The following ATP10B variants were observed in gnomAD, a reference collection of about 807,000 sequenced individuals.
ATP10B encodes the protein ATPase phospholipid transporting 10B (putative).
In ATP10B, 122 loss-of-function variants were observed where a neutral mutation model predicts 141.2. That is an observed-to-expected ratio of 0.86 (90% CI 0.75 to 1.00). The LOEUF is 1.00. Among genes scored for constraint, ATP10B ranks in the 50% least tolerant of loss-of-function variants. The pLI, the probability that ATP10B is intolerant of heterozygous loss-of-function variation, is 0.00. For missense variants in ATP10B, 1,876 were observed against 1,825.3 expected, an observed-to-expected ratio of 1.03 and a Z score of -0.51; for synonymous variants, 685 against 692.0, an observed-to-expected ratio of 0.99 and a Z score of 0.16.
At position 160,667,374 on chromosome 5, in the gene ATP10B, A is replaced by T. The variant is rs114488471; in HGVS notation, c.675+3089T>A. On this transcript the variant is annotated intron_variant, in intron 7 of 25. Transcript: ENST00000327245. Reference sequence around the variant, plus strand: ...GTTTCGTTTTGTATAAAATGGAGACAATAATAGTGCCCATCTCATTGGGTT... The same window carrying T: ...GTTTCGTTTTGTATAAAATGGAGACTATAATAGTGCCCATCTCATTGGGTT... 3.9e-3 allele frequency among the ~76,000 whole-genome samples: 595 copies of T among 152,308 alleles called. 4 individuals are homozygous for T. Among genetic ancestry groups the T allele is most frequent in the African/African-American group, 0.013 (557 of 41,554 alleles).
chr5:160,603,678 G>C (rs115400997), intron 20 of ATP10B: 4 of 413,364 alleles, frequency 9.7e-6, no homozygotes, highest in African/African-American at 2.0e-5. Context: ...TTACACTGGT[G>C]GTGGAAATAC....
At position 160,598,648 on chromosome 5, in the gene ATP10B, A is replaced by T. The variant is rs565067372; in HGVS notation, c.3564+122T>A. The T allele has an allele frequency of 1.7e-4, 141 of 844,586 alleles. No individual in the cohort carries two copies. The African/African-American group carries it at 2.3e-3, about 14-fold the overall frequency. 52.3% of individuals were successfully genotyped at this position (844,586 alleles called of 1,614,324 possible). A position where few individuals can be genotyped will look rare whatever the true frequency, so the allele number is the denominator to read the frequency against. Reference sequence around the variant, plus strand: ...GGAGTTACTCAAAGTAAATGATGGAACAGTGGTCAGAATGCAGGCTTCTGA... The same window carrying T: ...GGAGTTACTCAAAGTAAATGATGGATCAGTGGTCAGAATGCAGGCTTCTGA... On this transcript the variant is annotated intron_variant, in intron 22 of 25. Transcript: ENST00000327245.
At chr5:160,617,720 G>GT in intron 16 of ATP10B, 144 bp downstream of exon 16, 1 of 724,904 alleles carries the variant, frequency 1.4e-6, no homozygotes, top group East Asian at 2.7e-5. Flanking sequence ...AGTGTCTTGG[G>GT]TTTTTGTGGC....
intron 1 of ATP10B, among the ~76,000 whole-genome samples, chr5:160,837,178 T>C (rs1326041055): frequency 6.6e-6 from 1 of 152,184 alleles, no homozygotes; most frequent in Non-Finnish European, 1.5e-5. Context: ...AAAGAGTTTA[T>C]GGTGCTTTTT....
chr5:160,842,385 T>G (rs1775862094), intron 1 of ATP10B, among the ~76,000 whole-genome samples: 1 of 151,924 alleles, frequency 6.6e-6, no homozygotes, highest in East Asian at 1.9e-4. Context: ...GAAGAAAGGC[T>G]AAAAACCAAT....
chr5:160,688,244 C>T, intron 4 of ATP10B, 150 bp from the exon 5 acceptor site: 2 of 781,736 alleles, frequency 2.6e-6, no homozygotes, highest in South Asian at 3.9e-5. Context: ...TCACTAGATC[C>T]TGACCATTTG....
At chr5:160,812,530 T>G (rs1773248986) in intron 1 of ATP10B, among the ~76,000 whole-genome samples, 1 of 152,138 alleles carries the variant, frequency 6.6e-6, no homozygotes, top group African/African-American at 2.4e-5. Flanking sequence ...CAGAATTCTA[T>G]CAGATAAATT....
At chr5:160,878,879 G>A in the ATP10B span, among the ~76,000 whole-genome samples, 279 of 148,438 alleles carry the variant, frequency 1.9e-3, no homozygotes, top group African/African-American at 6.6e-3. Flanking sequence ...TAAAAAGTCA[G>A]GAAACAACAG....
intron 1 of ATP10B, among the ~76,000 whole-genome samples, chr5:160,828,396 G>C (rs1774796722): frequency 6.6e-6 from 1 of 152,084 alleles, no homozygotes; most frequent in African/African-American, 2.4e-5. Context: ...AGTGGGCGAA[G>C]GACATGAACA....
At position 160,797,667 on chromosome 5, in the gene ATP10B, T is replaced by C. The variant is rs187252402; in HGVS notation, c.-575-11864A>G. On this transcript the variant is annotated intron_variant, in intron 1 of 25. Transcript: ENST00000327245. Reference sequence around the variant, plus strand: ...TGCATAAGATGCTGTGTGAACAAACTAGGAGGGAACAAACTAGTGGAACTG... The same window carrying C: ...TGCATAAGATGCTGTGTGAACAAACCAGGAGGGAACAAACTAGTGGAACTG... Among the ~76,000 whole-genome samples the C allele has an allele frequency of 2.0e-5, 3 of 152,308 alleles. No homozygotes were observed. The East Asian group carries it at 5.8e-4, about 29-fold the overall frequency.
At chr5:160,789,703 C>G (rs1034681799) in intron 1 of ATP10B, among the ~76,000 whole-genome samples, 3 of 152,070 alleles carry the variant, frequency 2.0e-5, no homozygotes, top group African/African-American at 7.2e-5. Context: ...AGATTACAGA[C>G]AGGAAACAGA....
chr5:160,881,486 C>T, the ATP10B span, among the ~76,000 whole-genome samples: 1 of 152,160 alleles, frequency 6.6e-6, no homozygotes, highest in South Asian at 2.1e-4. Flanking sequence ...CAAAAACCGG[C>T]ACACAGATAT....
chr5:160,812,065 AGG>A (rs1210952653), intron 1 of ATP10B, among the ~76,000 whole-genome samples: 2 of 149,370 alleles, frequency 1.3e-5, no homozygotes, highest in South Asian at 2.1e-4. Context: ...AGAGAGGGAG[AGG>A]GAGAGAGATT....
At chr5:160,781,555 C>A (rs1228178155) in intron 2 of ATP10B, among the ~76,000 whole-genome samples, 1 of 151,900 alleles carries the variant, frequency 6.6e-6, no homozygotes, top group Non-Finnish European at 1.5e-5. Flanking sequence ...TAGGTAAGAT[C>A]CTGAATGATA....
At chr5:160,578,259 C>A (rs571872656) in intron 24 of ATP10B, among the ~76,000 whole-genome samples, 1 of 152,052 alleles carries the variant, frequency 6.6e-6, no homozygotes, top group Non-Finnish European at 1.5e-5. Flanking sequence ...AGGTTTGTTA[C>A]GTAGGCATAC....
rs377625184 is a variant in ATP10B, at chr5:160,722,937, C to T, written c.-330-5903G>A. On this transcript the variant is annotated intron_variant, in intron 2 of 25. Coordinates refer to ENST00000327245, the MANE Select transcript of ATP10B (RefSeq NM_025153.3). ...GCATTGATTTCAGCTTCATACAGAG[C>T]ATACTGAGATTACTGTCCATGGAAT... Among the ~76,000 whole-genome samples, 41 of 152,298 alleles carry T rather than the reference C, an allele frequency of 2.7e-4. No homozygotes were observed. The East Asian group carries it at 4.4e-3, about 16-fold the overall frequency.
chr5:160,902,588 G>T, the ATP10B span, among the ~76,000 whole-genome samples: 4 of 152,168 alleles, frequency 2.6e-5, no homozygotes, highest in Non-Finnish European at 5.9e-5. Flanking sequence ...CTGAGAGAAG[G>T]GAATGGAGCT....
At chr5:160,694,615 T>G (rs1270986979) in intron 3 of ATP10B, among the ~76,000 whole-genome samples, 1 of 152,232 alleles carries the variant, frequency 6.6e-6, no homozygotes, top group Non-Finnish European at 1.5e-5. Context: ...CATTTCCAAT[T>G]GACTCCAGTT....
chr5:160,686,839 G>T, intron 5 of ATP10B: 1 of 555,688 alleles, frequency 1.8e-6, no homozygotes, highest in Non-Finnish European at 2.3e-6. Context: ...GAGCATAGCA[G>T]TTGCTCAGTA....
Sources: allele counts gnomAD v4.1 joint callset (sites outside exome capture counted in the v4.1 genomes callset), GRCh38; gene constraint gnomAD v4.1.1; transcripts MANE v1.5; gene names NCBI Gene and HGNC (gene_info 2026-07-23, HGNC 2026-07-21).